Variants in PTPRM observed in about 807,000 individuals in gnomAD.
PTPRM encodes the protein protein tyrosine phosphatase receptor type M, also known as receptor-type tyrosine-protein phosphatase mu.
In PTPRM, 47 loss-of-function variants were observed where a neutral mutation model predicts 186.7. That is an observed-to-expected ratio of 0.25 (90% CI 0.20 to 0.32). PTPRM has a LOEUF of 0.32. PTPRM is among the 10% of genes least tolerant of loss of function. The pLI, the probability that PTPRM is intolerant of heterozygous loss-of-function variation, is 1.00. For synonymous variants in PTPRM, 668 were observed against 674.9 expected (o/e 0.99, Z 0.16); for missense variants, 1,494 against 1,865.0 (o/e 0.80, Z 3.66).
chr18:7,984,163 C>T (rs576667933), intron 7 of PTPRM, among the ~76,000 whole-genome samples: 67 of 152,270 alleles, frequency 4.4e-4, no homozygotes, highest in African/African-American at 1.6e-3. Context: ...GTGATGACTG[C>T]TGATCAGCCA....
intron 1 of PTPRM, among the ~76,000 whole-genome samples, chr18:7,729,428 G>C (rs887603079): frequency 6.6e-6 from 1 of 152,030 alleles, no homozygotes; most frequent in African/African-American, 2.4e-5. Context: ...CCTTAGGCTG[G>C]TCTTTGAGTG....
At chr18:8,157,409 C>T (rs1160934471) in intron 14 of PTPRM, among the ~76,000 whole-genome samples, 1 of 152,204 alleles carries the variant, frequency 6.6e-6, no homozygotes, top group East Asian at 1.9e-4. Context: ...AGGAACGGAG[C>T]TGTCTCCCCT....
At chr18:8,338,239 T>G (rs1006323480) in intron 22 of PTPRM, among the ~76,000 whole-genome samples, 6 of 151,392 alleles carry the variant, frequency 4.0e-5, no homozygotes, top group African/African-American at 1.5e-4. Flanking sequence ...AGGAGGGAAG[T>G]GACCTGAGAT....
intron 3 of PTPRM, among the ~76,000 whole-genome samples, chr18:7,892,495 C>G (rs970417881): frequency 6.6e-6 from 1 of 152,148 alleles, no homozygotes; most frequent in African/African-American, 2.4e-5. Context: ...TTTCACCTTC[C>G]CAATTGTGAA....
chr18:7,963,191 G>C (rs1209318147), intron 7 of PTPRM, among the ~76,000 whole-genome samples: 18 of 152,250 alleles, frequency 1.2e-4, no homozygotes. Context: ...ACATAGGACA[G>C]GGGCATATCA....
At chr18:8,302,497 G>A (rs1008245318) in intron 20 of PTPRM, among the ~76,000 whole-genome samples, 9 of 152,104 alleles carry the variant, frequency 5.9e-5, no homozygotes, top group South Asian at 4.1e-4. Flanking sequence ...AAGGGGTTGG[G>A]GGGGTGTTAA....
At chr18:8,376,644 C>G in intron 26 of PTPRM, 47 bp downstream of exon 26, 2 of 1,565,834 alleles carry the variant, frequency 1.3e-6, no homozygotes, top group Non-Finnish European at 1.7e-6. Flanking sequence ...CCTGGGCTCC[C>G]TCCTGCATCT....
intron 4 of PTPRM, among the ~76,000 whole-genome samples, chr18:7,921,261 C>A (rs188810673): frequency 1.5e-3 from 225 of 151,994 alleles, no homozygotes; most frequent in African/African-American, 5.1e-3. Flanking sequence ...TGTAGATAAT[C>A]TTTTTCCTTT....
At position 8,088,817 on chromosome 18, in the gene PTPRM, C is replaced by G; in HGVS notation, c.1822C>G (p.Leu608Val). 1 of 1,612,730 alleles carries G rather than the reference C, an allele frequency of 6.2e-7. No homozygotes were observed. Among genetic ancestry groups the G allele is most frequent in the Non-Finnish European group, 8.5e-7 (1 of 1,179,010 alleles). ...AACTGACAATACCGTGACAGTCATG[C>G]TGAAACCTGCCCACAGCAGAGGAGC... The part of the protein sequence containing the change: ...NQTDNTVTVM[L>V]KPAHSRGAPV... Residue 608 changes from leucine to valine, a missense_variant, in exon 11 of 33, where the codon CTG becomes GTG. By Grantham distance (32) the Leu-to-Val change is conservative. Transcript: ENST00000580170.
intron 14 of PTPRM, among the ~76,000 whole-genome samples, chr18:8,217,003 G>C (rs1568541189): frequency 6.6e-6 from 1 of 152,204 alleles, no homozygotes; most frequent in African/African-American, 2.4e-5. Flanking sequence ...GCTTCGCGTA[G>C]AGTAACTCTT....
intron 22 of PTPRM, among the ~76,000 whole-genome samples, chr18:8,341,723 C>T (rs572329169): frequency 3.6e-4 from 53 of 147,436 alleles, no homozygotes; most frequent in African/African-American, 1.0e-3. Flanking sequence ...GGGCTGTTTG[C>T]GCAAAGAAGG....
At chr18:8,307,291 C>T (rs935323507) in intron 20 of PTPRM, among the ~76,000 whole-genome samples, 2 of 152,164 alleles carry the variant, frequency 1.3e-5, no homozygotes, top group African/African-American at 4.8e-5. Flanking sequence ...CCAGGAAGTG[C>T]AATCATGTGA....
In PTPRM at chr18:8,241,301, G is replaced by A. The variant is rs576347501; in HGVS notation, c.2301-2757G>A. 6.6e-5 allele frequency among the ~76,000 whole-genome samples: 10 copies of A among 152,206 alleles called. No individual in the cohort carries two copies. The South Asian group carries it at 2.1e-3, about 32-fold the overall frequency. Reference sequence around the variant, plus strand: ...TGCAGTGAGTCAAGATTGTGCCACTGCACTCCAGCCTGGGATGACAAAATG... The same window carrying A: ...TGCAGTGAGTCAAGATTGTGCCACTACACTCCAGCCTGGGATGACAAAATG... On this transcript the variant is annotated intron_variant, in intron 14 of 32. Transcript: ENST00000580170.
chr18:8,143,737 T>C lies in PTPRM; in HGVS notation c.2258T>C (p.Phe753Ser), dbSNP rs780024742. The change falls in exon 14 of 33, where the codon TTC becomes TCC. Residue 753 changes from phenylalanine to serine, a missense_variant. Phe to Ser is a radical substitution (Grantham distance 155). Transcript: ENST00000580170. ...IAGVIAGILL[F>S]VIIFLGVVLV... is the part of the protein sequence containing the mutation. Reference sequence around the variant, plus strand: ...GGAGTCATCGCGGGCATCTTGCTGTTCGTGATTATATTTCTTGGAGTTGTG... The same window carrying C: ...GGAGTCATCGCGGGCATCTTGCTGTCCGTGATTATATTTCTTGGAGTTGTG... 28 of 1,613,998 alleles carry C rather than the reference T, an allele frequency of 1.7e-5. No individual in the cohort carries two copies. The highest frequency in any genetic ancestry group is 2.1e-5 in the Non-Finnish European group (25 of 1,179,962).
At chr18:7,866,354 T>G (rs948904786) in intron 2 of PTPRM, among the ~76,000 whole-genome samples, 1 of 152,222 alleles carries the variant, frequency 6.6e-6, no homozygotes, top group African/African-American at 2.4e-5. Flanking sequence ...AAACACTGCT[T>G]TATCTGTGTC....
intron 29 of PTPRM, 77 bp downstream of exon 29, chr18:8,380,504 C>G: frequency 6.5e-7 from 1 of 1,548,302 alleles, no homozygotes; most frequent in South Asian, 1.2e-5. Flanking sequence ...TGTTTGCACC[C>G]GAGAAGTGCA....
At chr18:8,383,204 A>T (rs2095748839) in intron 29 of PTPRM, among the ~76,000 whole-genome samples, 1 of 149,648 alleles carries the variant, frequency 6.7e-6, no homozygotes, top group Non-Finnish European at 1.5e-5. Context: ...AGGCCAAGGC[A>T]AAAGAATCGC....
At chr18:8,217,982 T>C (rs1170447865) in intron 14 of PTPRM, among the ~76,000 whole-genome samples, 1 of 152,150 alleles carries the variant, frequency 6.6e-6, no homozygotes, top group Non-Finnish European at 1.5e-5. Flanking sequence ...TGAAAGAAAT[T>C]GGTGTGCTGT....
At chr18:8,045,518 A>G (rs76082624) in intron 7 of PTPRM, among the ~76,000 whole-genome samples, 2,078 of 152,340 alleles carry the variant, frequency 0.014, 21 homozygotes, top group Non-Finnish European at 0.023. Flanking sequence ...ATGCTACAAC[A>G]TGGATGAACT....
Sources: gnomAD v4.1 joint callset for allele counts (sites outside exome capture counted in the v4.1 genomes callset) on GRCh38, gnomAD v4.1.1 for gene constraint, MANE v1.5 for transcripts, NCBI Gene and HGNC (gene_info 2026-07-23, HGNC 2026-07-21) for gene names.